The following KHDRBS3 variants were observed in gnomAD, a reference collection of about 807,000 sequenced individuals.
The protein encoded by KHDRBS3 is KH domain-containing, RNA-binding, signal transduction-associated protein 3.
KHDRBS3 carries 23 observed loss-of-function variants against 45.6 expected under a neutral mutation model. The ratio of observed to expected loss-of-function variants is 0.50; its 90% CI spans 0.36 to 0.72. KHDRBS3 has a LOEUF of 0.72. Ranked by LOEUF, KHDRBS3 falls within the 30% of genes least tolerant of loss-of-function variation. The pLI is 0.00. For missense variants in KHDRBS3, 352 were observed against 424.8 expected, an observed-to-expected ratio of 0.83 and a Z score of 1.51; for synonymous variants, 162 against 156.5, an observed-to-expected ratio of 1.04 and a Z score of -0.26.
At chr8:135,601,186 G>A (rs1041518229) in intron 6 of KHDRBS3, among the ~76,000 whole-genome samples, 2 of 152,216 alleles carry the variant, frequency 1.3e-5, no homozygotes, top group African/African-American at 4.8e-5. Context: ...ATTCAGTCCA[G>A]CAATGTAATG....
intron 1 of KHDRBS3, among the ~76,000 whole-genome samples, chr8:135,498,380 C>CAGGTCATTTATCAACCAGACCTG (rs772423952): frequency 0.019 from 2,953 of 152,310 alleles, 44 homozygotes; most frequent in Non-Finnish European, 0.031. Flanking sequence ...GACCTGATCA[C>CAGGTCATTTATCAACCAGACCTG]ATAATTCTTG....
intron 5 of KHDRBS3, among the ~76,000 whole-genome samples, chr8:135,563,433 C>T (rs557720787): frequency 1.6e-4 from 25 of 152,326 alleles, no homozygotes; most frequent in Admixed American, 6.5e-4. Flanking sequence ...GCCGAGCACG[C>T]AGTGTGAAGG....
chr8:135,555,462 G>A (rs1180350614), intron 4 of KHDRBS3, among the ~76,000 whole-genome samples: 3 of 151,524 alleles, frequency 2.0e-5, no homozygotes, highest in Non-Finnish European at 4.4e-5. Flanking sequence ...GTGTGGACCA[G>A]TGAAGCCAAA....
chr8:135,527,739 GTGTC>G (rs1173626437), intron 2 of KHDRBS3, among the ~76,000 whole-genome samples: 1 of 152,206 alleles, frequency 6.6e-6, no homozygotes, highest in Non-Finnish European at 1.5e-5. Context: ...TCTGTTTTAA[GTGTC>G]TGTGCTATAA....
chr8:135,619,013 C>T (rs1180150011), intron 7 of KHDRBS3, among the ~76,000 whole-genome samples: 1 of 152,224 alleles, frequency 6.6e-6, no homozygotes, highest in East Asian at 1.9e-4. Flanking sequence ...CATATCTGCT[C>T]ATTTTCTGTG....
At chr8:135,595,432 T>C (rs772984786) in intron 6 of KHDRBS3, among the ~76,000 whole-genome samples, 3 of 152,208 alleles carry the variant, frequency 2.0e-5, no homozygotes, top group Non-Finnish European at 4.4e-5. Context: ...TTGATTAGAC[T>C]AAATAGACCA....
chr8:135,611,406 T>C (rs1829700163), intron 7 of KHDRBS3, among the ~76,000 whole-genome samples: 1 of 151,972 alleles, frequency 6.6e-6, no homozygotes. Context: ...TACAGCACTC[T>C]TAGCTTACAC....
At chr8:135,631,983 A>G (rs955012306) in intron 7 of KHDRBS3, among the ~76,000 whole-genome samples, 10 of 152,222 alleles carry the variant, frequency 6.6e-5, no homozygotes, top group Admixed American at 6.5e-5. Flanking sequence ...CAGCTCCATT[A>G]TAAGTTGAAG....
At chr8:135,646,227 G>A (rs1831282964) in intron 8 of KHDRBS3, among the ~76,000 whole-genome samples, 1 of 151,948 alleles carries the variant, frequency 6.6e-6, no homozygotes. Context: ...TTGCAGCAGG[G>A]ATGTTAACTG....
intron 7 of KHDRBS3, among the ~76,000 whole-genome samples, chr8:135,619,816 G>C (rs572542571): frequency 1.3e-5 from 2 of 152,312 alleles, no homozygotes; most frequent in African/African-American, 4.8e-5. Flanking sequence ...GCTTCTCCAG[G>C]ATAATGATTG....
At chr8:135,536,246 T>A (rs1272170585) in intron 2 of KHDRBS3, among the ~76,000 whole-genome samples, 1 of 112,262 alleles carries the variant, frequency 8.9e-6, no homozygotes, top group African/African-American at 6.1e-5. Context: ...TTTTTTTTTT[T>A]TTTTTTTTTT....
intron 1 of KHDRBS3, among the ~76,000 whole-genome samples, chr8:135,516,791 A>G (rs1042302830): frequency 2.6e-5 from 4 of 152,266 alleles, no homozygotes; most frequent in Admixed American, 2.6e-4. Context: ...TTTTGTGAGT[A>G]ATATTCCACA....
At chr8:135,628,487 A>G (rs1254926370) in intron 7 of KHDRBS3, among the ~76,000 whole-genome samples, 1 of 152,254 alleles carries the variant, frequency 6.6e-6, no homozygotes, top group Non-Finnish European at 1.5e-5. Context: ...TATGAAATAG[A>G]CATAAGAGCT....
At chr8:135,498,522 G>T (rs1823574619) in intron 1 of KHDRBS3, among the ~76,000 whole-genome samples, 1 of 152,246 alleles carries the variant, frequency 6.6e-6, no homozygotes, top group Admixed American at 6.5e-5. Context: ...ATTAACCTTT[G>T]CTGTAATTGT....
At chr8:135,560,711 A>G (rs1827127998) in intron 5 of KHDRBS3, among the ~76,000 whole-genome samples, 1 of 152,200 alleles carries the variant, frequency 6.6e-6, no homozygotes, top group African/African-American at 2.4e-5. Context: ...CAGCATATGC[A>G]TTGCTTGTCA....
At chr8:135,521,193 A>G (rs376001877) in intron 1 of KHDRBS3, 44 bp from the exon 2 acceptor site, 3 of 1,208,490 alleles carry the variant, frequency 2.5e-6, no homozygotes, top group African/African-American at 3.0e-5. Context: ...CAGCCCCTGC[A>G]TTTCTGAGTC....
intron 6 of KHDRBS3, among the ~76,000 whole-genome samples, chr8:135,594,543 G>C (rs1828889001): frequency 6.6e-6 from 1 of 152,188 alleles, no homozygotes; most frequent in South Asian, 2.1e-4. Flanking sequence ...TTGCCATGTG[G>C]AAAGTACTTG....
At chr8:135,645,205 C>A in intron 8 of KHDRBS3, 88 bp downstream of exon 8, 2 of 1,351,930 alleles carry the variant, frequency 1.5e-6, no homozygotes, top group Non-Finnish European at 2.1e-6. Flanking sequence ...AGAATAAGGA[C>A]ATTTGGACTC....
chr8:135,620,903 AC>A (rs1830111361), intron 7 of KHDRBS3, among the ~76,000 whole-genome samples: 2 of 152,060 alleles, frequency 1.3e-5, no homozygotes, highest in African/African-American at 2.4e-5. Context: ...AGCAGCAGGG[AC>A]CCTTTTGTAC....
Sources: gnomAD v4.1 joint callset for allele counts (sites outside exome capture counted in the v4.1 genomes callset) on GRCh38, gnomAD v4.1.1 for gene constraint, MANE v1.5 for transcripts, NCBI Gene and HGNC (gene_info 2026-07-23, HGNC 2026-07-21) for gene names.